The following CUX1 variants were observed in gnomAD, a reference collection of about 807,000 sequenced individuals.
CUX1 encodes the protein protein CASP.
Under a neutral mutation model 158.8 loss-of-function variants are expected in CUX1, and 31 were observed. The ratio of observed to expected loss-of-function variants is 0.20; its 90% CI spans 0.15 to 0.26. The LOEUF (loss-of-function observed/expected upper bound fraction) is 0.26, where lower values mean the gene tolerates loss of function less well. Among genes scored for constraint, CUX1 ranks in the 10% least tolerant of loss-of-function variants. The pLI, the probability that CUX1 is intolerant of heterozygous loss-of-function variation, is 1.00. For synonymous variants in CUX1, 879 were observed against 862.1 expected (o/e 1.02, Z -0.34); for missense variants, 1,589 against 2,014.6 (o/e 0.79, Z 4.04).
At chr7:101,913,876 C>T (rs776084452) in intron 1 of CUX1, among the ~76,000 whole-genome samples, 1 of 152,028 alleles carries the variant, frequency 6.6e-6, no homozygotes, top group Non-Finnish European at 1.5e-5. Context: ...TCAATATTGG[C>T]TTTCTTCCCC....
intron 22 of CUX1, among the ~76,000 whole-genome samples, chr7:102,235,109 A>G (rs782190246): frequency 1.3e-5 from 2 of 152,200 alleles, no homozygotes; most frequent in Non-Finnish European, 2.9e-5. Context: ...GTGCACCCAC[A>G]TGTCATCTCG....
intron 3 of CUX1, among the ~76,000 whole-genome samples, chr7:102,060,911 C>CGTT (rs1489769024): frequency 1.3e-5 from 1 of 79,488 alleles, no homozygotes; most frequent in African/African-American, 7.3e-5. Context: ...CGCGCCTGGC[C>CGTT]TTTTTTTTTT....
chr7:101,888,136 C>G (rs1344852768), intron 1 of CUX1, among the ~76,000 whole-genome samples: 1 of 152,122 alleles, frequency 6.6e-6, no homozygotes, highest in Non-Finnish European at 1.5e-5. Flanking sequence ...AAGTTCCAGA[C>G]CAGCCCTGCC....
chr7:101,920,250 T>C (rs750777239), intron 2 of CUX1, among the ~76,000 whole-genome samples: 15 of 151,836 alleles, frequency 9.9e-5, no homozygotes, highest in Non-Finnish European at 2.2e-4. Context: ...GCCTCCCGAG[T>C]AGCTGGGATT....
chr7:102,132,680 C>CTTTTTTTTT (rs1174779466), intron 8 of CUX1, among the ~76,000 whole-genome samples: 1 of 115,186 alleles, frequency 8.7e-6, no homozygotes, highest in Non-Finnish European at 1.7e-5. Flanking sequence ...CTTTGCTTTT[C>CTTTTTTTTT]TTTTTTTTTT....
chr7:102,114,524 G>A lies in CUX1; in HGVS notation c.608-683G>A, dbSNP rs182825374. 2.3e-3 allele frequency among the ~76,000 whole-genome samples: 356 copies of A among 152,256 alleles called. 1 individual carries two copies. The highest frequency in any genetic ancestry group is 7.9e-3 in the African/African-American group (329 of 41,552). On this transcript the variant is annotated intron_variant, in intron 7 of 23. Coordinates refer to ENST00000292535, the MANE Select transcript of CUX1 (RefSeq NM_181552.4). The stretch of plus-strand genomic sequence containing the variant: ...ACTCCTGACCTCAGGTGATCTGCCC[G>A]TGTCAGCCTCCCAAAGTGTGAGCCA...
intron 2 of CUX1, among the ~76,000 whole-genome samples, chr7:102,023,005 A>C (rs1819563260): frequency 6.6e-6 from 1 of 152,208 alleles, no homozygotes; most frequent in South Asian, 2.1e-4. Context: ...ACTTGAGGTC[A>C]GGAGTTCGAG....
chr7:101,841,465 T>C (rs191904714), intron 1 of CUX1, among the ~76,000 whole-genome samples: 404 of 152,206 alleles, frequency 2.7e-3, no homozygotes, highest in African/African-American at 9.3e-3. Flanking sequence ...TTTTTTTATG[T>C]GGCTTATTTC....
intron 1 of CUX1, among the ~76,000 whole-genome samples, chr7:101,853,816 C>A (rs1406075864): frequency 1.3e-5 from 2 of 152,164 alleles, no homozygotes; most frequent in Non-Finnish European, 2.9e-5. Flanking sequence ...CTTCTAGGCA[C>A]CAGGCTGGGG....
chr7:102,280,010 G>T (rs1554548750), intron 18 of CUX1: 1 of 1,530,464 alleles, frequency 6.5e-7, no homozygotes, highest in African/African-American at 1.4e-5. Flanking sequence ...GCACTGACTG[G>T]TTCTCTTCCC....
chr7:102,017,911 A>T (rs146175588), intron 2 of CUX1, among the ~76,000 whole-genome samples: 85 of 152,344 alleles, frequency 5.6e-4, no homozygotes, highest in African/African-American at 1.9e-3. Flanking sequence ...ATGTATAGAT[A>T]CATCAGTAAA....
intron 1 of CUX1, among the ~76,000 whole-genome samples, chr7:101,827,707 A>G (rs1162119392): frequency 2.0e-5 from 3 of 152,240 alleles, no homozygotes; most frequent in Non-Finnish European, 2.9e-5. Flanking sequence ...TGTATTTTGT[A>G]TGTTAATATG....
At chr7:102,232,633 T>C (rs1387631534) in intron 21 of CUX1, among the ~76,000 whole-genome samples, 1 of 152,198 alleles carries the variant, frequency 6.6e-6, no homozygotes, top group African/African-American at 2.4e-5. Flanking sequence ...TCACTGATCC[T>C]AATTTGTATC....
At chr7:102,024,648 C>T (rs1819776473) in intron 2 of CUX1, among the ~76,000 whole-genome samples, 1 of 152,090 alleles carries the variant, frequency 6.6e-6, no homozygotes, top group Non-Finnish European at 1.5e-5. Flanking sequence ...TCCATTCATT[C>T]CCTCATGCAC....
At position 102,251,538 on chromosome 7, in the gene CUX1, G is replaced by C; in HGVS notation, c.*2496G>C. On this transcript the variant is annotated 3_prime_UTR_variant, in exon 24 of 24. Coordinates refer to ENST00000292535, the MANE Select transcript of CUX1 (RefSeq NM_181552.4). Reference sequence around the variant, plus strand: ...AGGCTGTTCGTTTGTCTTTTGTTGGGGGTATCATTTCTGAACTTGAAATCC... The same window carrying C: ...AGGCTGTTCGTTTGTCTTTTGTTGGCGGTATCATTTCTGAACTTGAAATCC... The C allele has an allele frequency of 1.0e-6, 1 of 985,370 alleles. No individual in the cohort carries two copies. Among genetic ancestry groups the C allele is most frequent in the Non-Finnish European group, 1.2e-6 (1 of 829,924 alleles). 61.0% of individuals were successfully genotyped at this position (985,370 alleles called of 1,614,324 possible). A position where few individuals can be genotyped will look rare whatever the true frequency, so the allele number is the denominator to read the frequency against.
intron 2 of CUX1, among the ~76,000 whole-genome samples, chr7:101,973,710 A>G (rs141140803): frequency 7.2e-4 from 109 of 151,728 alleles, no homozygotes; most frequent in African/African-American, 2.4e-3. Context: ...ATTAGAACAT[A>G]TGGGACAGGC....
chr7:102,195,218 C>T (rs551561994), intron 13 of CUX1, among the ~76,000 whole-genome samples: 1 of 151,602 alleles, frequency 6.6e-6, no homozygotes, highest in South Asian at 2.1e-4. Context: ...GGGCTCAGGT[C>T]GCTTGAGTTT....
chr7:102,135,149 A>G (rs1833760303), intron 8 of CUX1, among the ~76,000 whole-genome samples: 1 of 152,168 alleles, frequency 6.6e-6, no homozygotes, highest in Non-Finnish European at 1.5e-5. Flanking sequence ...AAATCCAAGT[A>G]CAACTTTTGA....
At chr7:101,842,321 A>G (rs1020605610) in intron 1 of CUX1, among the ~76,000 whole-genome samples, 1 of 152,196 alleles carries the variant, frequency 6.6e-6, no homozygotes, top group Admixed American at 6.5e-5. Context: ...ATAGTCATAC[A>G]GTTTGTTTGG....
Sources: gnomAD v4.1 joint callset for allele counts (sites outside exome capture counted in the v4.1 genomes callset) on GRCh38, gnomAD v4.1.1 for gene constraint, MANE v1.5 for transcripts, NCBI Gene and HGNC (gene_info 2026-07-23, HGNC 2026-07-21) for gene names.